DOCK8: variants seen among roughly 807,000 people sequenced by gnomAD.
The protein encoded by DOCK8 is dedicator of cytokinesis protein 8.
In DOCK8, 141 loss-of-function variants were observed where a neutral mutation model predicts 245.6. That is an observed-to-expected ratio of 0.57 (90% CI 0.50 to 0.66). DOCK8 has a LOEUF of 0.66. Among genes scored for constraint, DOCK8 ranks in the 30% least tolerant of loss-of-function variants. DOCK8 has a pLI of 0.00. For synonymous variants in DOCK8, 1,168 were observed against 970.2 expected, an observed-to-expected ratio of 1.20 and a Z score of -3.79; for missense variants, 2,965 against 2,603.4, an observed-to-expected ratio of 1.14 and a Z score of -3.02.
chr9:379,012 G>A (rs12347879), intron 20 of DOCK8, among the ~76,000 whole-genome samples: 1 of 151,996 alleles, frequency 6.6e-6, no homozygotes, highest in Non-Finnish European at 1.5e-5. Flanking sequence ...TCACAGGGTC[G>A]GTATGATTTT....
intron 4 of DOCK8, among the ~76,000 whole-genome samples, chr9:292,440 C>G (rs2049085779): frequency 7.2e-6 from 1 of 138,064 alleles, no homozygotes. Context: ...TGCATGAATC[C>G]TCAAGAATAT....
At chr9:451,884 C>CATATACATATACAT (rs2057451586) in intron 45 of DOCK8, 127 bp from the exon 46 acceptor site, 1 of 151,054 alleles carries the variant, frequency 6.6e-6, no homozygotes, top group African/African-American at 3.4e-5. Context: ...TATATATATA[C>CATATACATATACAT]ATATATATGC....
chr9:426,302 G>A (rs796961984), intron 33 of DOCK8, among the ~76,000 whole-genome samples: 5 of 152,300 alleles, frequency 3.3e-5, no homozygotes, highest in African/African-American at 1.2e-4. Flanking sequence ...CAGGAATACA[G>A]TCTTGTTTCC....
intron 39 of DOCK8, among the ~76,000 whole-genome samples, chr9:436,014 G>A (rs1368426624): frequency 6.6e-6 from 1 of 152,146 alleles, no homozygotes; most frequent in Admixed American, 6.5e-5. Context: ...TCTTGTTATT[G>A]TTCTTCAACA....
chr9:351,957 A>G (rs1370173248), intron 14 of DOCK8, among the ~76,000 whole-genome samples: 2 of 152,242 alleles, frequency 1.3e-5, no homozygotes, highest in Admixed American at 6.5e-5. Flanking sequence ...TACCTAATCA[A>G]TGATTCTCTA....
At chr9:377,266 T>C (rs1759354679) in intron 20 of DOCK8, 55 bp downstream of exon 20, 4 of 1,461,280 alleles carry the variant, frequency 2.7e-6, no homozygotes, top group Non-Finnish European at 2.8e-6. Context: ...AGCATTGCCT[T>C]CTTTAATGAA....
intron 15 of DOCK8, 127 bp from the exon 16 acceptor site, chr9:370,103 A>C: frequency 1.2e-6 from 1 of 837,180 alleles, no homozygotes; most frequent in Non-Finnish European, 2.0e-6. Context: ...GCTCCTGGCC[A>C]ACCCAGCACT....
At chr9:396,648 T>C (rs2054470112) in intron 24 of DOCK8, 137 bp from the exon 25 acceptor site, 6 of 1,222,866 alleles carry the variant, frequency 4.9e-6, no homozygotes, top group Non-Finnish European at 7.1e-6. Context: ...CAGAGCTTGC[T>C]CGGGCACCAC....
Position 422,118 on chromosome 9 carries a change from T to C in DOCK8, c.4224T>C (p.Ala1408=), listed in dbSNP as rs747170779. The C allele has an allele frequency of 6.2e-7, 1 of 1,614,080 alleles. No homozygotes were observed. ...AAGAGCAGACACATTGGCGGCAAGC[T>C]AATGAGAAGCTAGATAAGTGAGTCA... The part of the protein sequence containing the change: ...WKKEQTHWRQ[A]NEKLDKTKAE... The change falls in exon 33 of 48, where the codon GCT becomes GCC. Residue 1408 remains alanine (A), a synonymous_variant. Coordinates refer to ENST00000432829, the MANE Select transcript of DOCK8 (RefSeq NM_203447.4).
At chr9:263,558 T>G (rs1450882775) in intron 1 of DOCK8, among the ~76,000 whole-genome samples, 1 of 152,236 alleles carries the variant, frequency 6.6e-6, no homozygotes, top group African/African-American at 2.4e-5. Context: ...TTCAATGCTT[T>G]CAGCACTTCT....
chr9:334,296 G>A lies in DOCK8; in HGVS notation c.1197G>A (p.Met399Ile). 1.9e-6 allele frequency: 3 copies of A among 1,614,222 alleles called. No homozygotes were observed. Among genetic ancestry groups the A allele is most frequent in the Non-Finnish European group, 2.5e-6 (3 of 1,180,032 alleles). ...GCCAGCGTTTGGGGAAATACCGGAT[G>A]CCCTTTGCCTGGGCACCCATAAGCT... ...SFCQRLGKYR[M>I]PFAWAPISLS... is the part of the protein sequence containing the mutation. The change falls in exon 11 of 48, where the codon ATG (methionine) becomes ATA (isoleucine). Residue 399 changes from methionine to isoleucine, a missense_variant. Around this residue, in one of 3 missense-constraint regions of DOCK8, gnomAD observed 2,825 missense variants for 2,453.5 expected, o/e 1.15. Coordinates refer to ENST00000432829, the MANE Select transcript of DOCK8 (RefSeq NM_203447.4).
intron 22 of DOCK8, among the ~76,000 whole-genome samples, chr9:384,387 C>A (rs1018912227): frequency 6.6e-6 from 1 of 152,184 alleles, no homozygotes; most frequent in Non-Finnish European, 1.5e-5. Context: ...AAAGAGAAAT[C>A]AAAATCTCTA....
At chr9:349,041 C>G (rs991088203) in intron 14 of DOCK8, among the ~76,000 whole-genome samples, 1 of 152,168 alleles carries the variant, frequency 6.6e-6, no homozygotes, top group Non-Finnish European at 1.5e-5. Flanking sequence ...CGGGAATCGT[C>G]TTATACTTCC....
intron 28 of DOCK8, among the ~76,000 whole-genome samples, chr9:408,861 AACACACACACACACACAC>A (rs71314709): frequency 3.9e-4 from 58 of 147,526 alleles, no homozygotes; most frequent in African/African-American, 1.4e-3. Flanking sequence ...ACATTCTTCA[AACACACACACACACACAC>A]ACACACACGC....
intron 29 of DOCK8, among the ~76,000 whole-genome samples, chr9:417,106 C>G (rs1261113728): frequency 6.6e-6 from 1 of 152,104 alleles, no homozygotes; most frequent in African/African-American, 2.4e-5. Context: ...ACCAGCCTGG[C>G]CAACATGGCG....
intron 1 of DOCK8, among the ~76,000 whole-genome samples, chr9:264,810 C>G (rs960506991): frequency 3.9e-5 from 6 of 152,226 alleles, no homozygotes; most frequent in African/African-American, 1.2e-4. Flanking sequence ...ACTACTCACT[C>G]TTGAGATAGA....
intron 14 of DOCK8, among the ~76,000 whole-genome samples, chr9:348,648 T>G (rs554367152): frequency 7.4e-4 from 113 of 152,336 alleles, no homozygotes; most frequent in African/African-American, 2.7e-3. Context: ...TCTTGAATAG[T>G]TTGTCTAGAT....
Position 439,352 on chromosome 9 carries a change from A to G in DOCK8, c.5187A>G (p.Val1729=), listed in dbSNP as rs111535933. The change falls in exon 40 of 48, where the codon GTA becomes GTG. Residue 1729 remains valine (V), a synonymous_variant. Transcript: ENST00000432829. ...AGTACTTCACCGAGAGTGGCCTGGT[A>G]GGCCTCCTGGAGCAGGCCGCGGAGC... The part of the protein sequence containing the change: ...AGQYFTESGL[V]GLLEQAAELF... 6,043 of 1,613,776 alleles carry G rather than the reference A, an allele frequency of 3.7e-3. 135 individuals are homozygous for G. The Admixed American group carries it at 0.047, about 12-fold the overall frequency.
intron 30 of DOCK8, among the ~76,000 whole-genome samples, chr9:419,825 T>G (rs2056200120): frequency 1.3e-5 from 2 of 152,270 alleles, no homozygotes; most frequent in Non-Finnish European, 1.5e-5. Context: ...CAGGCAAACA[T>G]AAATTATGGT....
Sources: gnomAD v4.1 joint callset for allele counts (sites outside exome capture counted in the v4.1 genomes callset) on GRCh38, gnomAD v4.1.1 for gene constraint, gnomAD v4.1.1 regional missense constraint, MANE v1.5 for transcripts, NCBI Gene and HGNC (gene_info 2026-07-23, HGNC 2026-07-21) for gene names.